SH3PXD2B: variants seen among roughly 807,000 people sequenced by gnomAD.
SH3PXD2B encodes SH3 and PX domain-containing protein 2B.
Under a neutral mutation model 73.1 loss-of-function variants are expected in SH3PXD2B, and 37 were observed. The ratio of observed to expected loss-of-function variants is 0.51; its 90% CI spans 0.39 to 0.67. SH3PXD2B has a LOEUF of 0.67. Among genes scored for constraint, SH3PXD2B ranks in the 30% least tolerant of loss-of-function variants. The pLI, the probability that SH3PXD2B is intolerant of heterozygous loss-of-function variation, is 0.00. For synonymous variants in SH3PXD2B, 457 were observed against 480.5 expected, an observed-to-expected ratio of 0.95 and a Z score of 0.64; for missense variants, 1,053 against 1,197.8, an observed-to-expected ratio of 0.88 and a Z score of 1.78.
At chr5:172,450,231 A>T (rs1007186940) in intron 1 of SH3PXD2B, among the ~76,000 whole-genome samples, 7 of 149,596 alleles carry the variant, frequency 4.7e-5, no homozygotes, top group African/African-American at 1.3e-4. Context: ...GAAAGCTGTT[A>T]AAAAAAATCC....
At chr5:172,448,677 G>A (rs890800949) in intron 1 of SH3PXD2B, among the ~76,000 whole-genome samples, 3 of 152,194 alleles carry the variant, frequency 2.0e-5, no homozygotes, top group Non-Finnish European at 2.9e-5. Flanking sequence ...CACAGATTCC[G>A]TGCATACATC....
At chr5:172,381,211 A>G (rs1478807439) in intron 5 of SH3PXD2B, among the ~76,000 whole-genome samples, 1 of 152,214 alleles carries the variant, frequency 6.6e-6, no homozygotes, top group Non-Finnish European at 1.5e-5. Context: ...CGCCAAGAGC[A>G]GCAGCATCTA....
At position 172,352,084 on chromosome 5, in the gene SH3PXD2B, A is replaced by G. The variant is rs1418758328; in HGVS notation, c.786-1495T>C. ...TGACTGCAGCCCTTACTGACATCCT[A>G]ACTATAACCTCGGGAGAGACCTTGA... On this transcript the variant is annotated intron_variant, in intron 9 of 12. Transcript: ENST00000311601. Among the ~76,000 whole-genome samples, 10 of 152,282 alleles carry G rather than the reference A, an allele frequency of 6.6e-5. 1 individual carries two copies. In the South Asian group the frequency reaches 1.7e-3, roughly 25 times the overall value.
At chr5:172,325,760 GTTT>G (rs1756435318) in intron 12 of SH3PXD2B, among the ~76,000 whole-genome samples, 1 of 150,980 alleles carries the variant, frequency 6.6e-6, no homozygotes, top group Non-Finnish European at 1.5e-5. Context: ...GCCCTGCCTG[GTTT>G]TTTGTTTTGT....
intron 2 of SH3PXD2B, among the ~76,000 whole-genome samples, chr5:172,417,870 A>G (rs372047525): frequency 1.2e-4 from 18 of 152,304 alleles, no homozygotes; most frequent in African/African-American, 4.3e-4. Context: ...CCATAAGGTT[A>G]TGCCTCCATG....
intron 3 of SH3PXD2B, among the ~76,000 whole-genome samples, chr5:172,404,301 G>T (rs751350506): frequency 6.7e-6 from 1 of 149,502 alleles, no homozygotes; most frequent in East Asian, 1.9e-4. Context: ...GCTGAAAAAA[G>T]ATATATATAT....
chr5:172,363,632 T>C lies in SH3PXD2B; in HGVS notation c.428-763A>G, dbSNP rs1006927672. 7.9e-5 allele frequency among the ~76,000 whole-genome samples: 12 copies of C among 151,596 alleles called. No homozygotes were observed. In the South Asian group the frequency reaches 2.5e-3, roughly 32 times the overall value. ...GGACCCGAGAGAGGAGGAGGGGTCA[T>C]GAAGAGAATGGGGGAAGAGCAGCGT... On this transcript the variant is annotated intron_variant, in intron 6 of 12. Coordinates refer to ENST00000311601, the MANE Select transcript of SH3PXD2B (RefSeq NM_001017995.3).
rs1317511772 is a variant in SH3PXD2B, at chr5:172,454,260, G to A, written c.75+18C>T. The A allele has an allele frequency of 1.9e-6, 3 of 1,591,916 alleles. No homozygotes were observed. The highest frequency in any genetic ancestry group is 3.4e-5 in the Admixed American group (2 of 59,094). ...GGGGCGCGGGCTCAAGGGGGCGTGG[G>A]GGCCGCGCCGCACTCACATAATGCT... On this transcript the variant is annotated intron_variant, in intron 1 of 12. Transcript: ENST00000311601.
At chr5:172,423,810 T>A (rs967665720) in intron 1 of SH3PXD2B, among the ~76,000 whole-genome samples, 2 of 152,038 alleles carry the variant, frequency 1.3e-5, no homozygotes, top group African/African-American at 2.4e-5. Context: ...GCCCGGCTAA[T>A]TTTTGTATTT....
At chr5:172,441,387 CAT>C (rs2113506266) in intron 1 of SH3PXD2B, among the ~76,000 whole-genome samples, 1 of 152,354 alleles carries the variant, frequency 6.6e-6, no homozygotes, top group East Asian at 1.9e-4. Flanking sequence ...GGCGTTATCA[CAT>C]GTGATTGTGT....
chr5:172,406,251 A>T (rs754616312), intron 3 of SH3PXD2B, 26 bp downstream of exon 3: 1 of 1,612,952 alleles, frequency 6.2e-7, no homozygotes, highest in South Asian at 1.1e-5. Context: ...CCAGTGTCCC[A>T]GTCTGAGAGC....
Position 172,439,692 on chromosome 5 carries a change from G to GCACACACACACA in SH3PXD2B, c.75+14574_75+14585dup, listed in dbSNP as rs367799974. Among the ~76,000 whole-genome samples, 236 of 138,590 alleles carry GCACACACACACA rather than the reference G, an allele frequency of 1.7e-3. 1 individual carries two copies. Among genetic ancestry groups the GCACACACACACA allele is most frequent in the Admixed American group, 2.4e-3 (34 of 14,218 alleles). 90.9% of individuals were successfully genotyped at this position (138,590 alleles called of 152,430 possible). A position where few individuals can be genotyped will look rare whatever the true frequency, so the allele number is the denominator to read the frequency against. On this transcript the variant is annotated intron_variant, in intron 1 of 12. Coordinates refer to ENST00000311601, the MANE Select transcript of SH3PXD2B (RefSeq NM_001017995.3). ...TGTGCGTGCGTGCGCGCACGCGCGC[G>GCACACACACACA]CACACACACACACACACACACACAC...
Position 172,347,126 on chromosome 5 carries a change from G to A in SH3PXD2B, c.1062+157C>T, listed in dbSNP as rs113856037. Among the ~76,000 whole-genome samples, 305 of 152,282 alleles carry A rather than the reference G, an allele frequency of 2.0e-3. 1 individual carries two copies. The highest frequency in any genetic ancestry group is 6.8e-3 in the African/African-American group (284 of 41,554). ...CCTGCACCTCCGTCTTTCCACCTGC[G>A]AGTGGGACTAGCATTTCTACAGCCT... On this transcript the variant is annotated intron_variant, in intron 11 of 12. Transcript: ENST00000311601.
At chr5:172,454,207 A>T in intron 1 of SH3PXD2B, 71 bp downstream of exon 1, 1 of 1,385,306 alleles carries the variant, frequency 7.2e-7, no homozygotes, top group Non-Finnish European at 9.9e-7. Context: ...GAAGTTTTCC[A>T]AGCCGGGGGC....
rs753089775 is a variant in SH3PXD2B, at chr5:172,376,450, T to C, written c.402-2635A>G. Among the ~76,000 whole-genome samples, 85 of 152,374 alleles carry C rather than the reference T, an allele frequency of 5.6e-4. 1 individual carries two copies. Among genetic ancestry groups the C allele is most frequent in the Middle Eastern group, 6.8e-3 (2 of 294 alleles). On this transcript the variant is annotated intron_variant, in intron 5 of 12. Transcript: ENST00000311601. ...TGCCAGGATCTTCTCATATGCTTAC[T>C]GGCTATTTGTGCATTTTCTTTGGAG...
At chr5:172,442,839 G>T (rs1446746663) in intron 1 of SH3PXD2B, among the ~76,000 whole-genome samples, 1 of 152,130 alleles carries the variant, frequency 6.6e-6, no homozygotes, top group Non-Finnish European at 1.5e-5. Flanking sequence ...TGTAGAAGAG[G>T]AAACTGAAGC....
At chr5:172,356,935 C>G (rs903278580) in intron 8 of SH3PXD2B, among the ~76,000 whole-genome samples, 2 of 152,032 alleles carry the variant, frequency 1.3e-5, no homozygotes, top group African/African-American at 4.8e-5. Flanking sequence ...GACCAAGTTC[C>G]TGAGTATTAA....
Position 172,380,788 on chromosome 5 carries a change from G to A in SH3PXD2B, c.401+1248C>T, listed in dbSNP as rs116061237. On this transcript the variant is annotated intron_variant, in intron 5 of 12. Coordinates refer to ENST00000311601, the MANE Select transcript of SH3PXD2B (RefSeq NM_001017995.3). ...CAGTCTCCCTTCACTCCAAAACCAC[G>A]CACTTCTGTGCGCTCACTATGAGAA... Among the ~76,000 whole-genome samples, 919 of 152,280 alleles carry A rather than the reference G, an allele frequency of 6.0e-3. 9 individuals carry two copies. The highest frequency in any genetic ancestry group is 0.021 in the African/African-American group (868 of 41,556).
chr5:172,451,302 G>A (rs1313430227), intron 1 of SH3PXD2B, among the ~76,000 whole-genome samples: 1 of 152,200 alleles, frequency 6.6e-6, no homozygotes, highest in East Asian at 1.9e-4. Flanking sequence ...GGGAAATTAG[G>A]GGGCGTAGTG....
Sources: gnomAD v4.1 joint callset for allele counts (sites outside exome capture counted in the v4.1 genomes callset) on GRCh38, gnomAD v4.1.1 for gene constraint, MANE v1.5 for transcripts, NCBI Gene and HGNC (gene_info 2026-07-23, HGNC 2026-07-21) for gene names.